Variants in MCPH1 observed in about 807,000 individuals in gnomAD.
MCPH1 encodes the protein microcephalin 1.
In MCPH1, 104 loss-of-function variants were observed where a neutral mutation model predicts 84.5. The observed-to-expected ratio is 1.23, with a 90% confidence interval of 1.05 to 1.45. MCPH1 has a LOEUF of 1.45. MCPH1 is among the 40% of genes most tolerant of loss of function. The probability of loss-of-function intolerance (pLI) is 0.00; values close to 1 mark genes in which losing one functional copy is unlikely to be tolerated. For missense variants in MCPH1, 1,498 were observed against 1,005.7 expected (o/e 1.49, Z -6.62); for synonymous variants, 514 against 366.8 (o/e 1.40, Z -4.58).
rs1475856460 is a variant in MCPH1 at position 6,444,407 on chromosome 8, G to C, written c.685G>C (p.Gly229Arg). The C allele has an allele frequency of 8.7e-6, 14 of 1,614,092 alleles. No homozygotes were observed. The highest frequency in any genetic ancestry group is 1.2e-5 in the Non-Finnish European group (14 of 1,180,002). Residue 229 changes from glycine (G) to arginine (R), a missense_variant, in exon 8 of 14, where the codon GGT becomes CGT. Coordinates refer to ENST00000344683, the MANE Select transcript of MCPH1 (RefSeq NM_024596.5). ...ATGTTTTCCAGATGAATACTTTGCT[G>C]GTGGCTTACACTCATCTTTTGATGA... is the stretch of plus-strand genomic sequence containing the variant. The part of the protein sequence containing the change: ...DTLCSDEYFA[G>R]GLHSSFDDLC...
At chr8:6,633,950 A>G (rs762433252) in intron 13 of MCPH1, among the ~76,000 whole-genome samples, 5 of 152,234 alleles carry the variant, frequency 3.3e-5, no homozygotes, top group Admixed American at 6.5e-5. Context: ...GGAACTGAAC[A>G]GCAGTATAAG....
At chr8:6,587,761 A>T (rs886768229) in intron 12 of MCPH1, among the ~76,000 whole-genome samples, 2 of 152,256 alleles carry the variant, frequency 1.3e-5, no homozygotes, top group Non-Finnish European at 2.9e-5. Context: ...AAGAAAGTCC[A>T]TGTGGAGACC....
Position 6,578,068 on chromosome 8 carries a change from G to C in MCPH1, c.2215-43386G>C, listed in dbSNP as rs534032934. On this transcript the variant is annotated intron_variant, in intron 12 of 13. Coordinates refer to ENST00000344683, the MANE Select transcript of MCPH1 (RefSeq NM_024596.5). ...GAGAGCCTCACTCCCCTGCTCAGTA[G>C]ATCAGACGTGTTCTCTTCTTTCACC... 3.9e-5 allele frequency among the ~76,000 whole-genome samples: 6 copies of C among 152,310 alleles called. No homozygotes were observed. The South Asian group carries it at 1.2e-3, about 32-fold the overall frequency.
intron 12 of MCPH1, among the ~76,000 whole-genome samples, chr8:6,550,385 C>G (rs1374209084): frequency 6.6e-6 from 1 of 152,206 alleles, no homozygotes; most frequent in Admixed American, 6.5e-5. Context: ...GGGCTGCACC[C>G]AGACACGTGC....
intron 13 of MCPH1, chr8:6,624,796 C>G (rs1354367409): frequency 2.0e-6 from 2 of 985,052 alleles, no homozygotes; most frequent in African/African-American, 3.5e-5. Flanking sequence ...ACAGAACACA[C>G]AGTCCAGGGC....
chr8:6,612,464 A>G (rs546014429), intron 12 of MCPH1, among the ~76,000 whole-genome samples: 3 of 151,908 alleles, frequency 2.0e-5, no homozygotes, highest in Non-Finnish European at 4.4e-5. Context: ...CCCTTTCTCC[A>G]TTACCTCTGC....
In MCPH1 at chr8:6,514,826, C is replaced by G. The variant is rs563843806; in HGVS notation, c.2214+14897C>G. 20 of 1,521,904 alleles carry G rather than the reference C, an allele frequency of 1.3e-5. No individual in the cohort carries two copies. The African/African-American group carries it at 2.5e-4, about 19-fold the overall frequency. 94.3% of individuals were successfully genotyped at this position (1,521,904 alleles called of 1,614,324 possible). A position where few individuals can be genotyped will look rare whatever the true frequency, so the allele number is the denominator to read the frequency against. The stretch of plus-strand genomic sequence containing the variant: ...TAAGTGACAGAGCCCCCCCACTCCC[C>G]CCTTACGTAGCAGAAGCAGGAGGAA... On this transcript the variant is annotated intron_variant, in intron 12 of 13. Coordinates refer to ENST00000344683, the MANE Select transcript of MCPH1 (RefSeq NM_024596.5).
At chr8:6,455,742 C>G (rs1297275042) in intron 9 of MCPH1, among the ~76,000 whole-genome samples, 1 of 152,184 alleles carries the variant, frequency 6.6e-6, no homozygotes, top group African/African-American at 2.4e-5. Context: ...CGCTGATCCT[C>G]TTACATGAGT....
chr8:6,544,825 C>T (rs1443602500), intron 12 of MCPH1, among the ~76,000 whole-genome samples: 1 of 152,176 alleles, frequency 6.6e-6, no homozygotes, highest in African/African-American at 2.4e-5. Context: ...GAACTGTCGA[C>T]ATCAGGAAGA....
intron 8 of MCPH1, among the ~76,000 whole-genome samples, chr8:6,447,706 T>C (rs1049545680): frequency 7.9e-5 from 12 of 152,062 alleles, no homozygotes; most frequent in African/African-American, 2.9e-4. Flanking sequence ...CCCATCACCA[T>C]GCCCAGCTAA....
chr8:6,547,781 C>T lies in MCPH1; in HGVS notation c.2214+47852C>T, dbSNP rs1028755098. 3.3e-5 allele frequency among the ~76,000 whole-genome samples: 5 copies of T among 152,144 alleles called. No homozygotes were observed. The South Asian group carries it at 8.3e-4, about 25-fold the overall frequency. Reference sequence around the variant, plus strand: ...TCGGTGGGAACAAAAGCTCCCATGCCGGTGGGAATGCGGGGCCAGGGGAGC... The same window carrying T: ...TCGGTGGGAACAAAAGCTCCCATGCTGGTGGGAATGCGGGGCCAGGGGAGC... On this transcript the variant is annotated intron_variant, in intron 12 of 13. Transcript: ENST00000344683.
intron 3 of MCPH1, among the ~76,000 whole-genome samples, chr8:6,415,581 T>G (rs1799160473): frequency 6.6e-6 from 1 of 152,138 alleles, no homozygotes; most frequent in Non-Finnish European, 1.5e-5. Flanking sequence ...TTCAAACTTC[T>G]GACCTCAGGT....
At chr8:6,618,382 CA>C (rs1831074054) in intron 12 of MCPH1, 1 of 152,208 alleles carries the variant, frequency 6.6e-6, no homozygotes, top group Admixed American at 6.5e-5. Context: ...GGCAGTGTCA[CA>C]GCACAAAGAA....
chr8:6,598,608 G>C (rs562235407), intron 12 of MCPH1, among the ~76,000 whole-genome samples: 2 of 152,336 alleles, frequency 1.3e-5, no homozygotes, highest in East Asian at 1.9e-4. Context: ...CTTTCCAAAA[G>C]GTAAACACCA....
chr8:6,462,796 A>C (rs1806428810), intron 9 of MCPH1, among the ~76,000 whole-genome samples: 2 of 152,242 alleles, frequency 1.3e-5, no homozygotes, highest in South Asian at 4.1e-4. Context: ...TGAAACATGC[A>C]AAGAGTTTAA....
chr8:6,481,203 T>C (rs1338246424), intron 11 of MCPH1, among the ~76,000 whole-genome samples: 1 of 152,216 alleles, frequency 6.6e-6, no homozygotes, highest in Non-Finnish European at 1.5e-5. Context: ...CTTTCCTCTA[T>C]GTGTGACCAA....
rs2515417 is a variant in MCPH1 at position 6,415,011 on chromosome 8, T to A, written c.233+128T>A. 896,145 of 902,870 alleles carry A rather than the reference T, an allele frequency of 0.99. 445,012 individuals are homozygous for A. The highest frequency in any genetic ancestry group is 1 in the East Asian group (35,682 of 35,682). 55.9% of individuals were successfully genotyped at this position (902,870 alleles called of 1,614,324 possible). The stretch of plus-strand genomic sequence containing the variant: ...TCTTTTCTCTGCCTCTTACCTCACC[T>A]AGTAATTTGAAATCCTCCAGCCTCA... On this transcript the variant is annotated intron_variant, in intron 3 of 13. Transcript: ENST00000344683.
chr8:6,419,017 C>T (rs1799736441), intron 3 of MCPH1, among the ~76,000 whole-genome samples: 1 of 152,018 alleles, frequency 6.6e-6, no homozygotes, highest in African/African-American at 2.4e-5. Flanking sequence ...AAATATTCTG[C>T]TTCGTTGTTT....
chr8:6,453,824 A>G (rs1037790355), intron 8 of MCPH1, among the ~76,000 whole-genome samples: 54 of 152,150 alleles, frequency 3.5e-4, no homozygotes, highest in African/African-American at 1.3e-3. Context: ...CTGAGGAGGT[A>G]CGGGATCAGT....
Sources: allele counts gnomAD v4.1 joint callset (sites outside exome capture counted in the v4.1 genomes callset), GRCh38; gene constraint gnomAD v4.1.1; transcripts MANE v1.5; gene names NCBI Gene and HGNC (gene_info 2026-07-23, HGNC 2026-07-21).